RBFOX1: variants seen among roughly 807,000 people sequenced by gnomAD.
RBFOX1 encodes RNA binding protein fox-1 homolog 1.
In RBFOX1, 8 loss-of-function variants were observed where a neutral mutation model predicts 57.7. The ratio of observed to expected loss-of-function variants is 0.14; its 90% CI spans 0.08 to 0.25. The LOEUF (loss-of-function observed/expected upper bound fraction) is 0.25, where lower values mean the gene tolerates loss of function less well. RBFOX1 is among the 10% of genes least tolerant of loss of function. RBFOX1 has a pLI of 1.00. For synonymous variants in RBFOX1, 326 were observed against 222.4 expected (o/e 1.47, Z -4.15); for missense variants, 611 against 548.5 (o/e 1.11, Z -1.14).
chr16:6,109,770 G>C (rs531196381), intron 1 of RBFOX1, among the ~76,000 whole-genome samples: 1 of 152,222 alleles, frequency 6.6e-6, no homozygotes, highest in African/African-American at 2.4e-5. Context: ...AAATGCCACA[G>C]GAATCCTTGT....
intron 4 of RBFOX1, among the ~76,000 whole-genome samples, chr16:7,221,134 T>G (rs2092695988): frequency 1.3e-5 from 2 of 152,072 alleles, no homozygotes; most frequent in Non-Finnish European, 2.9e-5. Flanking sequence ...TGTGGTGGCT[T>G]ATACTTGAAT....
chr16:6,234,517 C>T (rs1432631405), intron 1 of RBFOX1, among the ~76,000 whole-genome samples: 3 of 152,096 alleles, frequency 2.0e-5, no homozygotes, highest in East Asian at 1.9e-4. Context: ...GGATAAGAGA[C>T]AGTAGAAGTC....
intron 1 of RBFOX1, among the ~76,000 whole-genome samples, chr16:5,353,246 C>T (rs2151320198): frequency 6.6e-6 from 1 of 151,958 alleles, no homozygotes; most frequent in South Asian, 2.1e-4. Context: ...GGTGTGGTGG[C>T]ACATGCCTGT....
At chr16:5,553,950 A>T (rs765581618) in intron 2 of RBFOX1, among the ~76,000 whole-genome samples, 47 of 148,634 alleles carry the variant, frequency 3.2e-4, no homozygotes, top group Non-Finnish European at 4.9e-4. Flanking sequence ...AATAATCAAT[A>T]CTTTCTTATA....
chr16:5,491,946 C>G (rs1457734034), intron 2 of RBFOX1, among the ~76,000 whole-genome samples: 1 of 152,182 alleles, frequency 6.6e-6, no homozygotes, highest in African/African-American at 2.4e-5. Flanking sequence ...GGGGTGGGGC[C>G]CAGACACTGG....
chr16:6,673,126 G>A (rs549531645), intron 3 of RBFOX1, among the ~76,000 whole-genome samples: 1 of 152,250 alleles, frequency 6.6e-6, no homozygotes, highest in African/African-American at 2.4e-5. Flanking sequence ...GCAGACAGAG[G>A]TGCAATTTCC....
chr16:7,048,418 C>G (rs1948463291), intron 3 of RBFOX1, among the ~76,000 whole-genome samples: 1 of 151,986 alleles, frequency 6.6e-6, no homozygotes, highest in Non-Finnish European at 1.5e-5. Context: ...TGTCGCCACA[C>G]CCAGCTAATT....
At chr16:6,092,353 A>T (rs1756953168) in intron 1 of RBFOX1, 1 of 152,194 alleles carries the variant, frequency 6.6e-6, no homozygotes, top group African/African-American at 2.4e-5. Flanking sequence ...CACAGGGAGT[A>T]AGGCTGGGAT....
At chr16:7,309,024 C>G (rs561194122) in intron 4 of RBFOX1, among the ~76,000 whole-genome samples, 2 of 152,092 alleles carry the variant, frequency 1.3e-5, no homozygotes, top group African/African-American at 4.8e-5. Flanking sequence ...GTGTCAGTAA[C>G]GCAGAAAAGA....
At chr16:6,402,168 A>G (rs2093098822) in intron 2 of RBFOX1, among the ~76,000 whole-genome samples, 2 of 151,898 alleles carry the variant, frequency 1.3e-5, no homozygotes, top group African/African-American at 2.4e-5. Flanking sequence ...ACACCCATTC[A>G]TTTTATACAT....
At chr16:7,041,977 T>C (rs2046325931) in intron 3 of RBFOX1, among the ~76,000 whole-genome samples, 1 of 152,152 alleles carries the variant, frequency 6.6e-6, no homozygotes, top group Admixed American at 6.6e-5. Context: ...TAACGTTACT[T>C]AGGAGATGTT....
intron 5 of RBFOX1, among the ~76,000 whole-genome samples, chr16:7,534,434 C>G (rs748475556): frequency 1.3e-5 from 2 of 152,062 alleles, no homozygotes; most frequent in Non-Finnish European, 2.9e-5. Context: ...ACAATAGAGC[C>G]AATGATTAAC....
Position 7,059,903 on chromosome 16 carries a change from C to G in RBFOX1, c.27+7805C>G, listed in dbSNP as rs568784403. On this transcript the variant is annotated intron_variant, in intron 4 of 15. Coordinates refer to ENST00000550418, the MANE Select transcript of RBFOX1 (RefSeq NM_018723.4). Reference sequence around the variant, plus strand: ...AGTGCAGTAAGAAAAAGAGCTGTTTCTATGAAAACTAAATGCTTTGGAAAC... The same window carrying G: ...AGTGCAGTAAGAAAAAGAGCTGTTTGTATGAAAACTAAATGCTTTGGAAAC... Among the ~76,000 whole-genome samples the G allele has an allele frequency of 4.6e-5, 7 of 152,172 alleles. No homozygotes were observed. The South Asian group carries it at 1.5e-3, about 32-fold the overall frequency.
At chr16:6,959,241 G>C (rs540831235) in intron 3 of RBFOX1, among the ~76,000 whole-genome samples, 62 of 152,292 alleles carry the variant, frequency 4.1e-4, no homozygotes, top group African/African-American at 1.5e-3. Flanking sequence ...GCTAAGCTCA[G>C]GGGACAGGCA....
chr16:6,532,342 A>G (rs889845599), intron 2 of RBFOX1, among the ~76,000 whole-genome samples: 5 of 152,110 alleles, frequency 3.3e-5, no homozygotes, highest in African/African-American at 1.2e-4. Context: ...TTTCATAGAG[A>G]AGGTCGATTT....
intron 4 of RBFOX1, among the ~76,000 whole-genome samples, chr16:7,230,273 A>G (rs533033882): frequency 2.8e-4 from 43 of 152,248 alleles, no homozygotes; most frequent in Admixed American, 1.5e-3. Context: ...AAACAAACAG[A>G]AAGTACCTGC....
At chr16:7,106,209 G>C (rs2063558566) in intron 4 of RBFOX1, among the ~76,000 whole-genome samples, 1 of 152,144 alleles carries the variant, frequency 6.6e-6, no homozygotes, top group Admixed American at 6.5e-5. Flanking sequence ...GTTTTCGTGT[G>C]TCAGGTTCAT....
At chr16:6,212,741 C>T (rs529262766) in intron 1 of RBFOX1, among the ~76,000 whole-genome samples, 77 of 151,960 alleles carry the variant, frequency 5.1e-4, no homozygotes, top group African/African-American at 1.8e-3. Flanking sequence ...AAAAAAAACC[C>T]ACTAATATGA....
At chr16:6,229,748 C>T (rs1201799414) in intron 1 of RBFOX1, among the ~76,000 whole-genome samples, 6 of 150,110 alleles carry the variant, frequency 4.0e-5, no homozygotes, top group Middle Eastern at 3.5e-3. Context: ...TGTTATATTT[C>T]TGCTGATGGA....
Sources: allele counts gnomAD v4.1 joint callset (sites outside exome capture counted in the v4.1 genomes callset), GRCh38; gene constraint gnomAD v4.1.1; transcripts MANE v1.5; gene names NCBI Gene and HGNC (gene_info 2026-07-23, HGNC 2026-07-21).